CARMIL1: variants seen among roughly 807,000 people sequenced by gnomAD.
CARMIL1 encodes the protein capping protein regulator and myosin 1 linker 1, also known as F-actin-uncapping protein LRRC16A.
Under a neutral mutation model 177.1 loss-of-function variants are expected in CARMIL1, and 90 were observed. The ratio of observed to expected loss-of-function variants is 0.51; its 90% confidence interval spans 0.43 to 0.61. The LOEUF is 0.61. CARMIL1 is among the 20% of genes least tolerant of loss of function. CARMIL1 has a pLI of 0.00. For missense variants in CARMIL1, 1,380 were observed against 1,667.0 expected, an observed-to-expected ratio of 0.83 and a Z score of 3.00; for synonymous variants, 577 against 606.2, an observed-to-expected ratio of 0.95 and a Z score of 0.71.
At chr6:25,401,371 T>G (rs1793873207) in intron 2 of CARMIL1, among the ~76,000 whole-genome samples, 1 of 152,038 alleles carries the variant, frequency 6.6e-6, no homozygotes, top group South Asian at 2.1e-4. Flanking sequence ...GTATATGACA[T>G]TGTGTGTGTA....
At chr6:25,289,236 C>A (rs180739307) in intron 2 of CARMIL1, among the ~76,000 whole-genome samples, 2 of 152,210 alleles carry the variant, frequency 1.3e-5, no homozygotes, top group Non-Finnish European at 1.5e-5. Flanking sequence ...GTTGAAATAC[C>A]TTTCTCTGTT....
At chr6:25,604,272 G>GT (rs1479929520) in intron 33 of CARMIL1, among the ~76,000 whole-genome samples, 1 of 152,024 alleles carries the variant, frequency 6.6e-6, no homozygotes, top group African/African-American at 2.4e-5. Flanking sequence ...GAGATGGGGG[G>GT]TCTCACTATG....
chr6:25,510,546 G>T lies in CARMIL1; in HGVS notation c.1517G>T (p.Ser506Ile). 1 of 1,558,618 alleles carries T rather than the reference G, an allele frequency of 6.4e-7. No homozygotes were observed. Among genetic ancestry groups the T allele is most frequent in the Non-Finnish European group, 8.7e-7 (1 of 1,149,998 alleles). Reference protein sequence around the residue: ...SDLSTLIVWLSKNRSIQHLAL... With the variant: ...SDLSTLIVWLIKNRSIQHLAL... ...CTATCTACCTTAATAGTGTGGCTCA[G>T]TAAAAACAGATCAATACAACACCTG... Residue 506 changes from serine (S) to isoleucine (I), a missense_variant, in exon 19 of 37, where the codon AGT becomes ATT. Transcript: ENST00000329474.
chr6:25,606,053 C>T lies in CARMIL1; in HGVS notation c.3635-8C>T, dbSNP rs1170083609. 1 of 1,594,406 alleles carries T rather than the reference C, an allele frequency of 6.3e-7. No individual in the cohort carries two copies. The highest frequency in any genetic ancestry group is 8.5e-7 in the Non-Finnish European group (1 of 1,171,062). ...CTTTGATTTTTAAAGTGGCCTTTTT[C>T]ATCTTAGTGCCTAAACTGCACCCAG... On this transcript the variant is annotated splice_polypyrimidine_tract_variant and splice_region_variant and intron_variant, in intron 34 of 36. Transcript: ENST00000329474.
chr6:25,501,755 A>G (rs1173125277), intron 17 of CARMIL1, among the ~76,000 whole-genome samples: 4 of 152,070 alleles, frequency 2.6e-5, no homozygotes, highest in African/African-American at 4.8e-5. Context: ...TATATTTTGT[A>G]TTTCCCCTAT....
At chr6:25,497,744 G>A (rs1323581886) in intron 16 of CARMIL1, among the ~76,000 whole-genome samples, 5 of 152,132 alleles carry the variant, frequency 3.3e-5, no homozygotes, top group Admixed American at 6.5e-5. Context: ...TTGAGACAGC[G>A]CTTTAAGTTT....
At chr6:25,563,482 C>T (rs1372446335) in intron 29 of CARMIL1, 1 of 985,350 alleles carries the variant, frequency 1.0e-6, no homozygotes, top group South Asian at 4.7e-5. Context: ...GACTTGTTTA[C>T]CCAGGTGATG....
intron 2 of CARMIL1, among the ~76,000 whole-genome samples, chr6:25,382,646 C>T (rs886135379): frequency 6.6e-6 from 1 of 152,064 alleles, no homozygotes; most frequent in South Asian, 2.1e-4. Flanking sequence ...ACACAGAGTG[C>T]TGATTGGTGC....
intron 31 of CARMIL1, among the ~76,000 whole-genome samples, chr6:25,587,469 G>A (rs1813872738): frequency 6.6e-6 from 1 of 152,044 alleles, no homozygotes; most frequent in Non-Finnish European, 1.5e-5. Flanking sequence ...CATTGCCTAC[G>A]TCGTTGAGTT....
intron 29 of CARMIL1, among the ~76,000 whole-genome samples, chr6:25,570,983 C>G (rs2151218433): frequency 6.6e-6 from 1 of 152,210 alleles, no homozygotes; most frequent in East Asian, 1.9e-4. Flanking sequence ...GAGATTTACA[C>G]CATCTCAGAC....
At chr6:25,390,766 T>C (rs901407201) in intron 2 of CARMIL1, among the ~76,000 whole-genome samples, 1 of 152,116 alleles carries the variant, frequency 6.6e-6, no homozygotes, top group Non-Finnish European at 1.5e-5. Flanking sequence ...TCTCGGCTCA[T>C]TGTCACCTCT....
At chr6:25,439,364 G>A (rs1345596676) in intron 5 of CARMIL1, among the ~76,000 whole-genome samples, 1 of 152,168 alleles carries the variant, frequency 6.6e-6, no homozygotes, top group African/African-American at 2.4e-5. Context: ...AAAGGTGAGT[G>A]CCATTGAGCA....
intron 2 of CARMIL1, among the ~76,000 whole-genome samples, chr6:25,368,958 G>A (rs995899345): frequency 3.9e-5 from 6 of 152,092 alleles, no homozygotes; most frequent in African/African-American, 1.4e-4. Context: ...CTGTTAGGAG[G>A]GTTCGTTTTT....
chr6:25,606,210 C>T lies in CARMIL1; in HGVS notation c.3784C>T (p.Pro1262Ser), dbSNP rs773627283. 6.2e-7 allele frequency: 1 copy of T among 1,614,006 alleles called. No homozygotes were observed. The highest frequency in any genetic ancestry group is 1.1e-5 in the South Asian group (1 of 91,074). The change falls in exon 35 of 37, where the codon CCC becomes TCC. Residue 1262 changes from proline to serine, a missense_variant. Physicochemically the swap from Pro to Ser is moderately conservative, Grantham distance 74. Coordinates refer to ENST00000329474, the MANE Select transcript of CARMIL1 (RefSeq NM_017640.6). ...PTSPKPLLQSPKPSLAARPVI... is the reference protein window; with the variant it reads ...PTSPKPLLQSSKPSLAARPVI... ...GAGCCCGAAGCCCCTCCTGCAGTCC[C>T]CCAAACCCAGTCTGGCAGCACGGCC...
rs139448270 is a variant in CARMIL1, at chr6:25,456,080, A to G, written c.614+5369A>G. On this transcript the variant is annotated intron_variant, in intron 8 of 36. Transcript: ENST00000329474. The stretch of plus-strand genomic sequence containing the variant: ...CCCGTGTTAGGACACTGTGCCCCTT[A>G]TATCATGTGATCTGTAGCCACAGGA... Among the ~76,000 whole-genome samples the G allele has an allele frequency of 1.3e-3, 199 of 152,206 alleles. 2 individuals carry two copies. The highest frequency in any genetic ancestry group is 8.2e-3 in the Admixed American group (125 of 15,298).
intron 23 of CARMIL1, among the ~76,000 whole-genome samples, chr6:25,526,451 G>A (rs2151092386): frequency 6.6e-6 from 1 of 151,768 alleles, no homozygotes; most frequent in East Asian, 1.9e-4. Flanking sequence ...ATATTTATTG[G>A]TTTCTTTTCT....
intron 11 of CARMIL1, among the ~76,000 whole-genome samples, chr6:25,475,202 G>A (rs1801435608): frequency 6.6e-6 from 1 of 151,796 alleles, no homozygotes; most frequent in Non-Finnish European, 1.5e-5. Context: ...TCAGGAGATC[G>A]AGACCATCCT....
At chr6:25,371,417 A>G (rs1055425981) in intron 2 of CARMIL1, among the ~76,000 whole-genome samples, 1 of 152,170 alleles carries the variant, frequency 6.6e-6, no homozygotes, top group African/African-American at 2.4e-5. Flanking sequence ...CCATGCCAAC[A>G]TCTATTGTAT....
chr6:25,448,252 T>C (rs1240416147), intron 5 of CARMIL1, among the ~76,000 whole-genome samples: 1 of 152,210 alleles, frequency 6.6e-6, no homozygotes, highest in African/African-American at 2.4e-5. Context: ...TGGCTCCTCA[T>C]TGCCCTGAGA....
Sources: allele counts gnomAD v4.1 joint callset (sites outside exome capture counted in the v4.1 genomes callset), GRCh38; gene constraint gnomAD v4.1.1; transcripts MANE v1.5; gene names NCBI Gene and HGNC (gene_info 2026-07-23, HGNC 2026-07-21).